STK32A: variants seen among roughly 807,000 people sequenced by gnomAD.
STK32A encodes the protein serine/threonine kinase 32A.
Under a neutral mutation model 53.2 loss-of-function variants are expected in STK32A, and 41 were observed. The ratio of observed to expected loss-of-function variants is 0.77; its 90% CI spans 0.60 to 1.00. The LOEUF (loss-of-function observed/expected upper bound fraction) is 1.00, where lower values mean the gene tolerates loss of function less well. STK32A is among the 50% of genes least tolerant of loss of function. The pLI is 0.00. For missense variants in STK32A, 458 were observed against 485.8 expected (o/e 0.94, Z 0.54); for synonymous variants, 166 against 162.8 (o/e 1.02, Z -0.15).
At chr5:147,293,019 C>T (rs542862790) in intron 4 of STK32A, among the ~76,000 whole-genome samples, 34 of 152,224 alleles carry the variant, frequency 2.2e-4, no homozygotes, top group African/African-American at 7.2e-4. Flanking sequence ...TTTCCAAAAC[C>T]TTCAGAAACT....
rs868710317 is a variant in STK32A at position 147,375,087 on chromosome 5, C to A, written c.904-3C>A. 10 of 1,598,856 alleles carry A rather than the reference C, an allele frequency of 6.3e-6. No individual in the cohort carries two copies. The highest frequency in any genetic ancestry group is 1.8e-5 in the Admixed American group (1 of 56,846). On this transcript the variant is annotated splice_polypyrimidine_tract_variant and splice_region_variant and intron_variant, in intron 10 of 12. Transcript: ENST00000397936. ...AGGATTGAGCCAACTGTCTTCCTTG[C>A]AGAAAGGCAGGCTGAATTGTGATCC... is the stretch of plus-strand genomic sequence containing the variant.
the STK32A span, chr5:147,397,889 AAG>A: frequency 6.5e-7 from 1 of 1,528,560 alleles, no homozygotes; most frequent in South Asian, 1.3e-5. Flanking sequence ...AGGGTAGAGA[AAG>A]AGGAACGTAC....
intron 10 of STK32A, 96 bp downstream of exon 10, chr5:147,373,390 T>C: frequency 6.6e-7 from 1 of 1,510,292 alleles, no homozygotes; most frequent in Admixed American, 2.0e-5. Context: ...ATCACACCAG[T>C]GTTGTTAAGA....
At chr5:147,329,462 G>A (rs1329065107) in intron 5 of STK32A, among the ~76,000 whole-genome samples, 1 of 152,190 alleles carries the variant, frequency 6.6e-6, no homozygotes, top group Non-Finnish European at 1.5e-5. Flanking sequence ...AGGCTCCCAT[G>A]GGGAAGAAGA....
chr5:147,258,177 G>C (rs1166428396), intron 2 of STK32A, among the ~76,000 whole-genome samples: 1 of 80,094 alleles, frequency 1.2e-5, no homozygotes, highest in Non-Finnish European at 2.7e-5. Context: ...TTTTGTTAAA[G>C]AGCAGGTTAG....
At chr5:147,365,771 C>A (rs758344330) in intron 8 of STK32A, among the ~76,000 whole-genome samples, 10 of 152,022 alleles carry the variant, frequency 6.6e-5, no homozygotes, top group African/African-American at 2.4e-4. Context: ...AGCAGAGGAG[C>A]GAGTTGAAAC....
intron 5 of STK32A, 181 bp from the exon 6 acceptor site, chr5:147,342,825 T>A: frequency 1.7e-6 from 1 of 576,882 alleles, no homozygotes; most frequent in Non-Finnish European, 3.0e-6. Flanking sequence ...AGTTTTCTGA[T>A]TTAAAAATTG....
chr5:147,320,774 T>C (rs998003896), intron 4 of STK32A, among the ~76,000 whole-genome samples: 1 of 151,892 alleles, frequency 6.6e-6, no homozygotes, highest in African/African-American at 2.4e-5. Flanking sequence ...CAGGCACAGG[T>C]GACATCGTAT....
intron 2 of STK32A, among the ~76,000 whole-genome samples, chr5:147,250,361 G>C (rs960520852): frequency 6.6e-6 from 1 of 152,176 alleles, no homozygotes; most frequent in Non-Finnish European, 1.5e-5. Context: ...AGTCTGCTCT[G>C]AGAGACAGTG....
At chr5:147,257,832 G>A (rs543370745) in intron 2 of STK32A, among the ~76,000 whole-genome samples, 6 of 152,248 alleles carry the variant, frequency 3.9e-5, no homozygotes, top group African/African-American at 1.4e-4. Context: ...AAAGGAAAAT[G>A]GAAGATAAAC....
intron 2 of STK32A, among the ~76,000 whole-genome samples, chr5:147,241,288 C>A (rs1381326359): frequency 1.3e-5 from 2 of 152,184 alleles, no homozygotes; most frequent in Non-Finnish European, 2.9e-5. Flanking sequence ...ACCATCCTGG[C>A]TAACACGGTG....
At chr5:147,389,301 C>T (rs1757743492), downstream of STK32A, among the ~76,000 whole-genome samples, 1 of 152,174 alleles carries the variant, frequency 6.6e-6, no homozygotes, top group Non-Finnish European at 1.5e-5. Context: ...TTTTGCCTTC[C>T]TTGCATCCAT....
intron 2 of STK32A, among the ~76,000 whole-genome samples, chr5:147,263,475 T>G (rs1005266871): frequency 2.0e-5 from 3 of 152,010 alleles, no homozygotes; most frequent in Non-Finnish European, 4.4e-5. Context: ...GGGAAAAAGT[T>G]AGCAAAAAGT....
intron 7 of STK32A, among the ~76,000 whole-genome samples, chr5:147,358,194 G>A (rs1756343423): frequency 1.3e-5 from 2 of 152,050 alleles, no homozygotes; most frequent in Admixed American, 1.3e-4. Flanking sequence ...ATGTAGTCAA[G>A]CTTATTAGTA....
chr5:147,393,638 C>A, the STK32A span: 227 of 194,434 alleles, frequency 1.2e-3, 1 homozygote, highest in African/African-American at 4.8e-3. Flanking sequence ...TTGCTCCAGG[C>A]TCCCACCACC....
At chr5:147,370,075 T>G (rs1490906836) in intron 8 of STK32A, among the ~76,000 whole-genome samples, 1 of 152,196 alleles carries the variant, frequency 6.6e-6, no homozygotes, top group African/African-American at 2.4e-5. Flanking sequence ...CCCAAAATTT[T>G]TTTTAAAAGC....
chr5:147,270,562 C>T (rs955909632), intron 2 of STK32A, among the ~76,000 whole-genome samples: 3 of 152,088 alleles, frequency 2.0e-5, no homozygotes, highest in Non-Finnish European at 4.4e-5. Flanking sequence ...AGAAAAAATA[C>T]TCCTGAGATA....
intron 4 of STK32A, among the ~76,000 whole-genome samples, chr5:147,303,152 G>A (rs538970407): frequency 6.6e-6 from 1 of 152,272 alleles, no homozygotes; most frequent in African/African-American, 2.4e-5. Flanking sequence ...ATATTCAAGG[G>A]CTGTATAGAC....
intron 4 of STK32A, among the ~76,000 whole-genome samples, chr5:147,307,728 A>G (rs1035419945): frequency 1.3e-5 from 2 of 151,646 alleles, no homozygotes; most frequent in African/African-American, 4.8e-5. Flanking sequence ...ATTTAGATCT[A>G]CAGTCTAGGA....
Sources: gnomAD v4.1 joint callset for allele counts (sites outside exome capture counted in the v4.1 genomes callset) on GRCh38, gnomAD v4.1.1 for gene constraint, MANE v1.5 for transcripts, NCBI Gene and HGNC (gene_info 2026-07-23, HGNC 2026-07-21) for gene names.